CFAP54: variants seen among roughly 807,000 people sequenced by gnomAD.
CFAP54 encodes the protein cilia- and flagella-associated protein 54.
Under a neutral mutation model 370.4 loss-of-function variants are expected in CFAP54, and 290 were observed. The observed-to-expected ratio is 0.78, with a 90% CI of 0.71 to 0.86. CFAP54 has a LOEUF of 0.86. Among genes scored for constraint, CFAP54 ranks in the 40% least tolerant of loss-of-function variants. CFAP54 has a pLI of 0.00. For synonymous variants in CFAP54, 1,206 were observed against 1,236.5 expected, an observed-to-expected ratio of 0.98 and a Z score of 0.52; for missense variants, 3,399 against 3,528.7, an observed-to-expected ratio of 0.96 and a Z score of 0.93.
At chr12:96,646,137 A>C (rs539584253) in intron 33 of CFAP54, 35 of 152,318 alleles carry the variant, frequency 2.3e-4, no homozygotes, top group African/African-American at 7.2e-4. Context: ...GCACAGCAAA[A>C]AGAAACTACC....
At chr12:96,861,024 T>C in intron 67 of CFAP54, 72 bp downstream of exon 67, 2 of 1,144,106 alleles carry the variant, frequency 1.7e-6, no homozygotes, top group Non-Finnish European at 1.2e-6. Flanking sequence ...GGTCCTCTTA[T>C]AACAACAAAC....
At chr12:96,654,074 A>C (rs548757251) in intron 36 of CFAP54, among the ~76,000 whole-genome samples, 8 of 152,366 alleles carry the variant, frequency 5.3e-5, no homozygotes, top group African/African-American at 1.7e-4. Flanking sequence ...GAATTGCCCT[A>C]AATGTACTAA....
chr12:96,662,543 T>C (rs1053947040), intron 38 of CFAP54, among the ~76,000 whole-genome samples: 2 of 152,220 alleles, frequency 1.3e-5, no homozygotes, highest in African/African-American at 4.8e-5. Flanking sequence ...AATCACCTTT[T>C]AAACCCCAAG....
chr12:96,640,004 T>C (rs1439283655), intron 32 of CFAP54, among the ~76,000 whole-genome samples: 1 of 152,180 alleles, frequency 6.6e-6, no homozygotes, highest in Non-Finnish European at 1.5e-5. Flanking sequence ...AAGCATTCCC[T>C]TTGAAAACTG....
chr12:96,769,937 C>T (rs1958442886), intron 60 of CFAP54, among the ~76,000 whole-genome samples: 1 of 152,278 alleles, frequency 6.6e-6, no homozygotes, highest in African/African-American at 2.4e-5. Flanking sequence ...AGCAAACCTT[C>T]CAGCCTGAAA....
intron 17 of CFAP54, among the ~76,000 whole-genome samples, chr12:96,560,173 T>A (rs1955800456): frequency 6.6e-6 from 1 of 152,180 alleles, no homozygotes; most frequent in Non-Finnish European, 1.5e-5. Context: ...TAATAAATTA[T>A]TGTTAACTAT....
intron 60 of CFAP54, among the ~76,000 whole-genome samples, chr12:96,777,928 A>G (rs1433017801): frequency 6.6e-6 from 1 of 152,234 alleles, no homozygotes; most frequent in Non-Finnish European, 1.5e-5. Flanking sequence ...ATACTGTTAG[A>G]CAAATATAAG....
At chr12:96,500,122 A>G (rs1032730022) in intron 1 of CFAP54, among the ~76,000 whole-genome samples, 5 of 152,244 alleles carry the variant, frequency 3.3e-5, no homozygotes, top group Admixed American at 6.5e-5. Flanking sequence ...ATTCAGTGCT[A>G]AAAAGAAATG....
intron 17 of CFAP54, among the ~76,000 whole-genome samples, chr12:96,563,455 G>A (rs903989027): frequency 6.6e-6 from 1 of 152,106 alleles, no homozygotes; most frequent in African/African-American, 2.4e-5. Context: ...ATCTGTATTT[G>A]GCATTCAGAA....
At chr12:96,619,039 T>C (rs1209186570) in intron 26 of CFAP54, among the ~76,000 whole-genome samples, 1 of 152,152 alleles carries the variant, frequency 6.6e-6, no homozygotes, top group Non-Finnish European at 1.5e-5. Context: ...AATTTTTGTA[T>C]TTTTTGTAGA....
At chr12:96,585,075 G>T (rs1476139074) in intron 22 of CFAP54, among the ~76,000 whole-genome samples, 6 of 149,482 alleles carry the variant, frequency 4.0e-5, no homozygotes, top group Non-Finnish European at 7.4e-5. Context: ...TTACTCTGTT[G>T]CCCAGGCTGG....
At chr12:96,821,966 G>A (rs1959040545) in intron 65 of CFAP54, among the ~76,000 whole-genome samples, 1 of 152,154 alleles carries the variant, frequency 6.6e-6, no homozygotes, top group African/African-American at 2.4e-5. Flanking sequence ...GACATGGGGG[G>A]AAGGTAGTGA....
intron 62 of CFAP54, among the ~76,000 whole-genome samples, chr12:96,789,330 T>TTAA (rs1958661226): frequency 6.6e-6 from 1 of 152,110 alleles, no homozygotes; most frequent in South Asian, 2.1e-4. Context: ...GAAGGTAATG[T>TTAA]TAATGTCTGG....
chr12:96,865,470 T>C (rs962144849), intron 67 of CFAP54, among the ~76,000 whole-genome samples: 3 of 152,164 alleles, frequency 2.0e-5, no homozygotes, highest in Non-Finnish European at 4.4e-5. Flanking sequence ...AGTACATATA[T>C]ACTAAAAATA....
At chr12:96,766,378 T>TC (rs1459728105) in intron 60 of CFAP54, among the ~76,000 whole-genome samples, 2 of 152,126 alleles carry the variant, frequency 1.3e-5, no homozygotes, top group Non-Finnish European at 2.9e-5. Flanking sequence ...TCTTTAAGGT[T>TC]CCCATAGGTG....
chr12:96,534,308 G>A (rs879547300), intron 11 of CFAP54, 81 bp downstream of exon 11: 33 of 834,912 alleles, frequency 4.0e-5, no homozygotes, highest in Middle Eastern at 3.2e-4. Flanking sequence ...AAAGGATGTT[G>A]AAGGCGGAGG....
intron 17 of CFAP54, among the ~76,000 whole-genome samples, chr12:96,555,999 G>T (rs531917779): frequency 6.6e-6 from 1 of 151,850 alleles, no homozygotes; most frequent in South Asian, 2.1e-4. Context: ...CATAAGTCAA[G>T]ATTTATTTCA....
chr12:96,666,659 T>C (rs530496615), intron 39 of CFAP54, among the ~76,000 whole-genome samples: 1 of 152,268 alleles, frequency 6.6e-6, no homozygotes, highest in East Asian at 1.9e-4. Context: ...ACCCCGATGA[T>C]TCAGTTACCT....
At chr12:96,530,270 C>G (rs1329796156) in intron 9 of CFAP54, among the ~76,000 whole-genome samples, 2 of 152,208 alleles carry the variant, frequency 1.3e-5, no homozygotes, top group Non-Finnish European at 2.9e-5. Context: ...CGAGCTGATC[C>G]CTTGAGCCCA....
Sources: allele counts gnomAD v4.1 joint callset (sites outside exome capture counted in the v4.1 genomes callset), GRCh38; gene constraint gnomAD v4.1.1; transcripts MANE v1.5; gene names NCBI Gene and HGNC (gene_info 2026-07-23, HGNC 2026-07-21).